ABCA3: variants seen among roughly 807,000 people sequenced by gnomAD.
ABCA3 encodes ATP binding cassette subfamily A member 3, also known as phospholipid-transporting ATPase ABCA3.
Under a neutral mutation model 172.8 loss-of-function variants are expected in ABCA3, and 88 were observed. The ratio of observed to expected loss-of-function variants is 0.51; its 90% CI spans 0.43 to 0.61. ABCA3 has a LOEUF of 0.61. Among genes scored for constraint, ABCA3 ranks in the 20% least tolerant of loss-of-function variants. The pLI, the probability that ABCA3 is intolerant of heterozygous loss-of-function variation, is 0.00. For synonymous variants in ABCA3, 1,066 were observed against 983.8 expected, an observed-to-expected ratio of 1.08 and a Z score of -1.56; for missense variants, 2,164 against 2,301.0, an observed-to-expected ratio of 0.94 and a Z score of 1.22.
intron 10 of ABCA3, among the ~76,000 whole-genome samples, chr16:2,309,174 C>CT (rs2093702705): frequency 6.6e-6 from 1 of 152,172 alleles, no homozygotes; most frequent in Non-Finnish European, 1.5e-5. Flanking sequence ...TCTCGATCTC[C>CT]TGACCTCGTG....
In ABCA3 at chr16:2,283,166, G is replaced by A; in HGVS notation, c.4035+20C>T. The A allele has an allele frequency of 6.2e-7, 1 of 1,610,926 alleles. No homozygotes were observed. Among genetic ancestry groups the A allele is most frequent in the Admixed American group, 1.7e-5 (1 of 59,810 alleles). ...GTGGGGAGCATCTCGCCAGTGTCCT[G>A]GGCTCCCGGAGCCACTCACCAGTGT... On this transcript the variant is annotated intron_variant, in intron 26 of 32. Transcript: ENST00000301732. The surrounding 1 kb of genome is among the most constrained non-coding windows in gnomAD (Gnocchi z 5.4).
intron 11 of ABCA3, among the ~76,000 whole-genome samples, chr16:2,306,305 A>AGCCTTCCTCC (rs2141717839): frequency 6.6e-6 from 1 of 152,286 alleles, no homozygotes; most frequent in South Asian, 2.1e-4. Flanking sequence ...AGCCTGGGCA[A>AGCCTTCCTCC]TGGAGTAAGA....
Position 2,289,577 on chromosome 16 carries a change from G to T in ABCA3, c.2557C>A (p.Gln853Lys). 6.4e-7 allele frequency: 1 copy of T among 1,556,168 alleles called. No homozygotes were observed. The highest frequency in any genetic ancestry group is 2.4e-5 in the East Asian group (1 of 41,948). The change falls in exon 20 of 33, where the codon CAG (glutamine) becomes AAG (lysine). Residue 853 changes from glutamine to lysine, a missense_variant. By Grantham distance (53) the Gln-to-Lys change is moderately conservative (BLOSUM62 1). This residue lies in a region of ABCA3 where 1,343 missense variants were observed against 1,369.6 expected (regional missense o/e 0.98). Coordinates refer to ENST00000301732, the MANE Select transcript of ABCA3 (RefSeq NM_001089.3). ...TGCTGGTACTGCAGGGCAGGGAGCT[G>T]GATGGCCTGGATGTCCATACTGCTG... is the stretch of plus-strand genomic sequence containing the variant. ...VDSSMDIQAI[Q>K]LPALQYQHER... is the part of the protein sequence containing the mutation.
At chr16:2,302,817 C>T (rs575184774) in intron 12 of ABCA3, among the ~76,000 whole-genome samples, 1 of 145,982 alleles carries the variant, frequency 6.9e-6, no homozygotes, top group Admixed American at 7.0e-5. Context: ...GAGATGGAGT[C>T]TCGCTCTGTC....
Position 2,297,870 on chromosome 16 carries a change from G to A in ABCA3, c.1948C>T (p.His650Tyr), listed in dbSNP as rs760774408. Residue 650 changes from histidine (H) to tyrosine (Y), a missense_variant, in exon 16 of 33, where the codon CAC becomes TAC. Transcript: ENST00000301732. This position sits in a 1 kb window ranked among gnomAD's most constrained non-coding sequence, Gnocchi z 5.6. ...KCPEEVKQML[H>Y]IIGLEDKWNS... ...CACTTGTCCTCCAGGCCGATGATGT[G>A]CAGCATCTGCTTGACTTCTTCAGGG... The A allele has an allele frequency of 1.2e-6, 2 of 1,613,872 alleles. No individual in the cohort carries two copies. The highest frequency in any genetic ancestry group is 1.3e-5 in the African/African-American group (1 of 75,058).
chr16:2,289,372 A>G lies in ABCA3; in HGVS notation c.2700+62T>C, dbSNP rs745901388. On this transcript the variant is annotated intron_variant, in intron 20 of 32. Coordinates refer to ENST00000301732, the MANE Select transcript of ABCA3 (RefSeq NM_001089.3). ...CAGACTCTCCTCTGCATGGGCTTAC[A>G]TGAGGCGTTTGGGGGCTGCTCGCCC... 11 of 1,533,802 alleles carry G rather than the reference A, an allele frequency of 7.2e-6. No individual in the cohort carries two copies. The East Asian group carries it at 1.2e-4, about 17-fold the overall frequency.
chr16:2,278,267 A>G lies in ABCA3; in HGVS notation c.4718+21T>C, dbSNP rs767755165. On this transcript the variant is annotated intron_variant, in intron 30 of 32. Transcript: ENST00000301732. The surrounding 1 kb of genome is among the most constrained non-coding windows in gnomAD (Gnocchi z 4.4). ...CCACCCGGTGCTGAAACTTCCAGTA[A>G]CCCACAGACCCAGGCTCTACCTGTG... is the stretch of plus-strand genomic sequence containing the variant. The G allele has an allele frequency of 1.4e-5, 23 of 1,605,086 alleles. 1 individual carries two copies. The South Asian group carries it at 2.5e-4, about 18-fold the overall frequency.
chr16:2,284,354 T>C lies in ABCA3; in HGVS notation c.3787A>G (p.Ser1263Gly). The C allele has an allele frequency of 6.2e-7, 1 of 1,614,002 alleles. No individual in the cohort carries two copies. The highest frequency in any genetic ancestry group is 1.1e-5 in the South Asian group (1 of 91,086). Residue 1263 changes from serine to glycine, a missense_variant, in exon 25 of 33, where the codon AGT becomes GGT. Physicochemically the swap from Ser to Gly is moderately conservative, Grantham distance 56. Around this residue, in one of 3 missense-constraint regions of ABCA3, gnomAD observed 795 missense variants for 881.9 expected, o/e 0.90. Coordinates refer to ENST00000301732, the MANE Select transcript of ABCA3 (RefSeq NM_001089.3). The surrounding 1 kb of genome is among the most constrained non-coding windows in gnomAD (Gnocchi z 5.9). Reference sequence around the variant, plus strand: ...CGCGTCTCGTAGTTCTCGTAGAAACTGCTGACTGCCATCCCCAGACAGTGG... The same window carrying C: ...CGCGTCTCGTAGTTCTCGTAGAAACCGCTGACTGCCATCCCCAGACAGTGG... ...PNHCLGMAVS[S>G]FYENYETRRY...
Position 2,299,360 on chromosome 16 carries a change from G to A in ABCA3, c.1741+43C>T, listed in dbSNP as rs1031302688. 3.1e-6 allele frequency: 5 copies of A among 1,610,904 alleles called. No homozygotes were observed. In the African/African-American group the frequency reaches 6.7e-5, roughly 22 times the overall value. ...GGCTGGCGCTGAGATGGTGTTAAAG[G>A]GGGGCCTGCTGGTGGCAGGGGCGTG... is the stretch of plus-strand genomic sequence containing the variant. On this transcript the variant is annotated intron_variant, in intron 14 of 32. Coordinates refer to ENST00000301732, the MANE Select transcript of ABCA3 (RefSeq NM_001089.3).
At chr16:2,316,640 T>C (rs973848095) in intron 10 of ABCA3, among the ~76,000 whole-genome samples, 17 of 148,994 alleles carry the variant, frequency 1.1e-4, no homozygotes, top group African/African-American at 3.2e-4. Context: ...ATCGCACTAA[T>C]GCACTCCAGA....
chr16:2,281,806 ATTT>A lies in ABCA3; in HGVS notation c.4036-300_4036-298del, dbSNP rs765812169. On this transcript the variant is annotated intron_variant, in intron 26 of 32. Coordinates refer to ENST00000301732, the MANE Select transcript of ABCA3 (RefSeq NM_001089.3). The surrounding 1 kb of genome is among the most constrained non-coding windows in gnomAD (Gnocchi z 4.7). ...GAATATAAAATAAGATTTTTAGACA[ATTT>A]TTTTTTTTTTTTTGAGACAGAGTCT... 2.1e-5 allele frequency among the ~76,000 whole-genome samples: 3 copies of A among 143,656 alleles called. No individual in the cohort carries two copies. Among genetic ancestry groups the A allele is most frequent in the African/African-American group, 2.5e-5 (1 of 39,372 alleles). The allele number at this position is 143,656 out of a possible 152,430, so 94.2% of individuals were successfully genotyped here.
Position 2,316,490 on chromosome 16 carries a change from C to CAAAAAAAAAAAAAAA in ABCA3, c.1111+778_1111+792dup, listed in dbSNP as rs71148128. Among the ~76,000 whole-genome samples the CAAAAAAAAAAAAAAA allele has an allele frequency of 1.8e-3, 51 of 28,868 alleles. 17 individuals are homozygous for CAAAAAAAAAAAAAAA. The highest frequency in any genetic ancestry group is 2.5e-3 in the Non-Finnish European group (33 of 13,000). The allele number at this position is 28,868 out of a possible 152,430, so 18.9% of individuals were successfully genotyped here. On this transcript the variant is annotated intron_variant, in intron 10 of 32. Transcript: ENST00000301732. ...CAAAACCCCGTCTCTACTAAAAATGCAAAAAAAAAAAAAAAAAAAAAAAAA... is the reference window on the plus strand; with the variant it reads ...CAAAACCCCGTCTCTACTAAAAATGCAAAAAAAAAAAAAAAAAAAAAAAAAAAAAAAAAAAAAAAA...
intron 20 of ABCA3, among the ~76,000 whole-genome samples, chr16:2,288,550 G>C (rs1240184228): frequency 6.6e-6 from 1 of 152,166 alleles, no homozygotes; most frequent in Non-Finnish European, 1.5e-5. Context: ...ATGGGGCCCT[G>C]CACGTTGGCA....
chr16:2,314,665 C>T (rs1335777438), intron 10 of ABCA3, among the ~76,000 whole-genome samples: 1 of 152,092 alleles, frequency 6.6e-6, no homozygotes, highest in African/African-American at 2.4e-5. Flanking sequence ...CAACCTCTGC[C>T]TCCTGGGTTC....
intron 7 of ABCA3, among the ~76,000 whole-genome samples, chr16:2,321,278 C>T (rs2093725644): frequency 6.6e-6 from 1 of 152,182 alleles, no homozygotes; most frequent in African/African-American, 2.4e-5. Context: ...TCAAGGGCAT[C>T]GCTCTGGGGC....
At chr16:2,294,938 G>A (rs1321125018) in intron 18 of ABCA3, among the ~76,000 whole-genome samples, 2 of 152,130 alleles carry the variant, frequency 1.3e-5, no homozygotes, top group African/African-American at 2.4e-5. Flanking sequence ...AGCTGAGATT[G>A]TGCCACTGCA....
At position 2,281,183 on chromosome 16, in the gene ABCA3, C is replaced by T; in HGVS notation, c.4203G>A (p.Arg1401=). The T allele has an allele frequency of 1.2e-6, 2 of 1,613,694 alleles. No individual in the cohort carries two copies. Among genetic ancestry groups the T allele is most frequent in the South Asian group, 1.1e-5 (1 of 91,084 alleles). Reference sequence around the variant, plus strand: ...CCCCTTTCTGCACCGCGAGGGAGAGCCTGTCCACGGCCAGGAGGGGCACCC... The same window carrying T: ...CCCCTTTCTGCACCGCGAGGGAGAGTCTGTCCACGGCCAGGAGGGGCACCC... The part of the protein sequence containing the change: ...EQRVPLLAVD[R]LSLAVQKGEC... Residue 1401 remains arginine (R), a synonymous_variant, in exon 28 of 33, where the codon AGG becomes AGA. Coordinates refer to ENST00000301732, the MANE Select transcript of ABCA3 (RefSeq NM_001089.3). The surrounding 1 kb of genome is among the most constrained non-coding windows in gnomAD (Gnocchi z 4.7).
In ABCA3 at chr16:2,277,894, C is replaced by A. The variant is rs771681997; in HGVS notation, c.4894G>T (p.Asp1632Tyr). 1 of 1,609,498 alleles carries A rather than the reference C, an allele frequency of 6.2e-7. No individual in the cohort carries two copies. The highest frequency in any genetic ancestry group is 8.5e-7 in the Non-Finnish European group (1 of 1,179,956). The part of the protein sequence containing the change: ...EALEEFKAFV[D>Y]LTFPGSVLED... ...CGGCACACACCTGGAAAGGTCAGGT[C>A]CACGAAGGCCTTGAACTCCTCCAGC... is the stretch of plus-strand genomic sequence containing the variant. Residue 1632 changes from aspartate to tyrosine, a missense_variant, in exon 31 of 33, where the codon GAC becomes TAC. By Grantham distance (160) the Asp-to-Tyr change is radical (BLOSUM62 -3). Transcript: ENST00000301732. The surrounding 1 kb of genome is among the most constrained non-coding windows in gnomAD (Gnocchi z 5.3).
In ABCA3 at chr16:2,304,122, C is replaced by G; in HGVS notation, c.1314G>C (p.Leu438=). ...AGTCGTCGTCCACGTTGACGGGACT[C>G]AGGAGGTCTCGCCACTGGATGCCCA... ...KGMGIQWRDL[L]SPVNVDDDFC... The change falls in exon 12 of 33, where the codon CTG becomes CTC. Residue 438 remains leucine (L), a synonymous_variant. Coordinates refer to ENST00000301732, the MANE Select transcript of ABCA3 (RefSeq NM_001089.3). 1 of 1,614,178 alleles carries G rather than the reference C, an allele frequency of 6.2e-7. No homozygotes were observed. The highest frequency in any genetic ancestry group is 8.5e-7 in the Non-Finnish European group (1 of 1,180,040).
Sources: gnomAD v4.1 joint callset for allele counts (sites outside exome capture counted in the v4.1 genomes callset) on GRCh38, gnomAD v4.1.1 for gene constraint, gnomAD v4.1.1 regional missense constraint, Gnocchi (gnomAD v3.1) non-coding constraint, MANE v1.5 for transcripts, NCBI Gene and HGNC (gene_info 2026-07-23, HGNC 2026-07-21) for gene names.